Variants in NNT observed in about 807,000 individuals in gnomAD.
NNT encodes NAD(P) transhydrogenase, mitochondrial.
In NNT, 50 loss-of-function variants were observed where a neutral mutation model predicts 104.8. The observed-to-expected ratio is 0.48, with a 90% CI of 0.38 to 0.60. The LOEUF (loss-of-function observed/expected upper bound fraction) is 0.60, where lower values mean the gene tolerates loss of function less well. NNT is among the 20% of genes least tolerant of loss of function. The pLI, the probability that NNT is intolerant of heterozygous loss-of-function variation, is 0.00. For missense variants in NNT, 1,131 were observed against 1,330.7 expected (o/e 0.85, Z 2.33); for synonymous variants, 461 against 490.4 (o/e 0.94, Z 0.79).
chr5:43,628,158 G>T, intron 6 of NNT, 42 bp from the exon 7 acceptor site: 1 of 1,426,050 alleles, frequency 7.0e-7, no homozygotes, highest in South Asian at 1.6e-5. Context: ...TCTTTATTAG[G>T]GCCTGAAATA....
At chr5:43,670,244 A>G (rs1740979771) in intron 17 of NNT, among the ~76,000 whole-genome samples, 2 of 152,014 alleles carry the variant, frequency 1.3e-5, no homozygotes, top group Non-Finnish European at 2.9e-5. Flanking sequence ...TCCTGGATTC[A>G]TTGATTTTTT....
chr5:43,642,575 A>G (rs1751294415), intron 7 of NNT, among the ~76,000 whole-genome samples: 1 of 152,188 alleles, frequency 6.6e-6, no homozygotes, highest in South Asian at 2.1e-4. Flanking sequence ...AAAGAACAAG[A>G]GATCTTATAA....
At chr5:43,687,238 C>A (rs989222395) in intron 19 of NNT, among the ~76,000 whole-genome samples, 3 of 152,134 alleles carry the variant, frequency 2.0e-5, no homozygotes, top group African/African-American at 7.2e-5. Context: ...TTTCTATGAC[C>A]TCATTTTAGT....
chr5:43,687,818 A>C (rs1277379700), intron 19 of NNT, among the ~76,000 whole-genome samples: 1 of 152,228 alleles, frequency 6.6e-6, no homozygotes, highest in African/African-American at 2.4e-5. Context: ...TCAAGGCATC[A>C]AAATGAGAAC....
At position 43,629,797 on chromosome 5, in the gene NNT, G is replaced by A. The variant is rs571834910; in HGVS notation, c.964+1410G>A. Among the ~76,000 whole-genome samples the A allele has an allele frequency of 2.0e-5, 3 of 152,152 alleles. No homozygotes were observed. In the East Asian group the frequency reaches 5.8e-4, roughly 29 times the overall value. On this transcript the variant is annotated intron_variant, in intron 7 of 21. Transcript: ENST00000344920. ...CTTCTTTTGATAATTGTCTATTCAT[G>A]TCCTTTGTCCACTTTTTGATGGGAT... is the stretch of plus-strand genomic sequence containing the variant.
In NNT at chr5:43,676,269, C is replaced by T. The variant is rs144224242; in HGVS notation, c.2794+599C>T. Among the ~76,000 whole-genome samples, 12 of 152,288 alleles carry T rather than the reference C, an allele frequency of 7.9e-5. No individual in the cohort carries two copies. The East Asian group carries it at 2.3e-3, about 29-fold the overall frequency. On this transcript the variant is annotated intron_variant, in intron 18 of 21. Transcript: ENST00000344920. ...TGAGTTTTAGCTCAGTTCTTCTTCA[C>T]TGTTATCACAGGATGCTGTGGTATT...
rs1030849981 is a variant in NNT at position 43,666,721 on chromosome 5, G to T, written c.2634+7371G>T. 1.3e-5 allele frequency: 13 copies of T among 1,020,762 alleles called. 1 individual carries two copies. Among genetic ancestry groups the T allele is most frequent in the South Asian group, 3.7e-5 (2 of 54,752 alleles). The allele number at this position is 1,020,762 out of a possible 1,614,324, so 63.2% of individuals were successfully genotyped here. A position where few individuals can be genotyped will look rare whatever the true frequency, so the allele number is the denominator to read the frequency against. ...CAGATGGTAGCCCAGGGACGGGGGT[G>T]GGGGGTCGCACCAGTCCTTCTGTCC... is the stretch of plus-strand genomic sequence containing the variant. On this transcript the variant is annotated intron_variant, in intron 17 of 21. Transcript: ENST00000344920.
intron 17 of NNT, among the ~76,000 whole-genome samples, chr5:43,674,840 T>C (rs1459334418): frequency 6.6e-6 from 1 of 152,214 alleles, no homozygotes; most frequent in African/African-American, 2.4e-5. Flanking sequence ...TATTTTTCTT[T>C]TGAGATTATT....
chr5:43,672,852 C>G (rs1741197529), intron 17 of NNT, among the ~76,000 whole-genome samples: 1 of 152,344 alleles, frequency 6.6e-6, no homozygotes, highest in South Asian at 2.1e-4. Context: ...TTTCTGCTGC[C>G]TTTTGTTCGG....
intron 19 of NNT, among the ~76,000 whole-genome samples, chr5:43,690,119 CT>C (rs1242675115): frequency 6.6e-6 from 1 of 152,070 alleles, no homozygotes; most frequent in East Asian, 1.9e-4. Context: ...GAAAACCCCC[CT>C]GGCCTTGCTA....
chr5:43,649,786 G>C (rs886856491), intron 11 of NNT, among the ~76,000 whole-genome samples: 14 of 152,118 alleles, frequency 9.2e-5, no homozygotes, highest in African/African-American at 3.4e-4. Context: ...GTGGCATCAG[G>C]CATTTCTCTT....
chr5:43,623,733 A>G (rs552948087), intron 5 of NNT, among the ~76,000 whole-genome samples: 1 of 152,314 alleles, frequency 6.6e-6, no homozygotes, highest in South Asian at 2.1e-4. Context: ...AACATACGTA[A>G]TGCTGATCAT....
At position 43,656,812 on chromosome 5, in the gene NNT, T is replaced by C. The variant is rs1282248622; in HGVS notation, c.2453T>C (p.Met818Thr). Residue 818 changes from methionine to threonine, a missense_variant and splice_region_variant, in exon 16 of 22, where the codon ATG (methionine) becomes ACG (threonine). Coordinates refer to ENST00000344920, the MANE Select transcript of NNT (RefSeq NM_182977.3). ...LGSVSALSAV[M>T]GVTLTAAIGG... ...TCAGTGTCTGCTCTCTCTGCTGTCATGGTAAGAAGTCAGAGATTGAAAAGT... is the reference window on the plus strand; with the variant it reads ...TCAGTGTCTGCTCTCTCTGCTGTCACGGTAAGAAGTCAGAGATTGAAAAGT... The C allele has an allele frequency of 6.2e-7, 1 of 1,607,916 alleles. No homozygotes were observed. Among genetic ancestry groups the C allele is most frequent in the Non-Finnish European group, 8.5e-7 (1 of 1,178,262 alleles).
intron 21 of NNT, among the ~76,000 whole-genome samples, chr5:43,703,719 T>G (rs554924861): frequency 6.6e-6 from 1 of 152,280 alleles, no homozygotes; most frequent in South Asian, 2.1e-4. Context: ...TCCATTTTGA[T>G]TTATAGGAAC....
At chr5:43,605,754 T>C (rs956069407) in intron 1 of NNT, among the ~76,000 whole-genome samples, 4 of 152,128 alleles carry the variant, frequency 2.6e-5, no homozygotes, top group African/African-American at 9.7e-5. Flanking sequence ...GGGCCATTTG[T>C]ATTTGGTTTA....
Position 43,651,833 on chromosome 5 carries a change from C to A in NNT, c.1812C>A (p.Thr604=), listed in dbSNP as rs370270976. 6.8e-6 allele frequency: 11 copies of A among 1,614,026 alleles called. No homozygotes were observed. The highest frequency in any genetic ancestry group is 9.3e-6 in the Non-Finnish European group (11 of 1,180,026). ...YNYLYLLPAG[T]FVGGYLAALY... is the part of the protein sequence containing the mutation. ...ACCTGTACCTGCTCCCTGCCGGCAC[C>A]TTTGTTGGTGGATATTTAGCTGCCC... The change falls in exon 13 of 22, where the codon ACC becomes ACA. Residue 604 remains threonine, a synonymous_variant. Coordinates refer to ENST00000344920, the MANE Select transcript of NNT (RefSeq NM_182977.3).
intron 15 of NNT, 111 bp downstream of exon 15, chr5:43,656,184 T>C: frequency 1.1e-6 from 1 of 912,364 alleles, no homozygotes. Context: ...GGCTCATGCC[T>C]GCAATCCAGC....
chr5:43,685,398 G>A (rs1741929923), intron 19 of NNT, among the ~76,000 whole-genome samples: 1 of 152,098 alleles, frequency 6.6e-6, no homozygotes, highest in East Asian at 1.9e-4. Flanking sequence ...ATAAGGGAAA[G>A]TAACTGAACA....
chr5:43,617,891 A>C (rs1455586113), intron 4 of NNT, among the ~76,000 whole-genome samples: 1 of 152,214 alleles, frequency 6.6e-6, no homozygotes, highest in African/African-American at 2.4e-5. Flanking sequence ...GATTAACTTA[A>C]TAATGGTGAC....
Sources: allele counts gnomAD v4.1 joint callset (sites outside exome capture counted in the v4.1 genomes callset), GRCh38; gene constraint gnomAD v4.1.1; transcripts MANE v1.5; gene names NCBI Gene and HGNC (gene_info 2026-07-23, HGNC 2026-07-21).